MKLN1: variants seen among roughly 807,000 people sequenced by gnomAD.
MKLN1 encodes muskelin.
In MKLN1, 18 loss-of-function variants were observed where a neutral mutation model predicts 99.0. The observed-to-expected ratio is 0.18, with a 90% confidence interval of 0.13 to 0.27. The LOEUF (loss-of-function observed/expected upper bound fraction) is 0.27. Ranked by LOEUF, MKLN1 falls within the 10% of genes least tolerant of loss-of-function variation. The pLI, the probability that MKLN1 is intolerant of heterozygous loss-of-function variation, is 1.00. For missense variants in MKLN1, 621 were observed against 875.9 expected, an observed-to-expected ratio of 0.71 and a Z score of 3.67; for synonymous variants, 288 against 293.2, an observed-to-expected ratio of 0.98 and a Z score of 0.18.
chr7:131,125,696 C>G (rs908185087), intron 1 of MKLN1, among the ~76,000 whole-genome samples: 3 of 152,122 alleles, frequency 2.0e-5, no homozygotes, highest in African/African-American at 7.2e-5. Flanking sequence ...CAAAGTGAGA[C>G]TTCTGTCTCT....
At chr7:131,361,492 A>T (rs549487673) in intron 1 of MKLN1, among the ~76,000 whole-genome samples, 1 of 151,804 alleles carries the variant, frequency 6.6e-6, no homozygotes, top group African/African-American at 2.4e-5. Context: ...CTCGTATCAA[A>T]ATCTAGATCA....
At chr7:131,382,269 G>A (rs1385351994) in intron 2 of MKLN1, among the ~76,000 whole-genome samples, 1 of 151,956 alleles carries the variant, frequency 6.6e-6, no homozygotes, top group African/African-American at 2.4e-5. Context: ...GGAGGCTGAG[G>A]CACAAGAATC....
intron 1 of MKLN1, among the ~76,000 whole-genome samples, chr7:131,346,444 C>G (rs368739475): frequency 6.6e-6 from 1 of 151,780 alleles, no homozygotes; most frequent in East Asian, 1.9e-4. Context: ...ATTCCTTGAA[C>G]CCGGGAGGCG....
chr7:131,429,665 G>A (rs1305263003), intron 9 of MKLN1, among the ~76,000 whole-genome samples: 3 of 152,012 alleles, frequency 2.0e-5, no homozygotes, highest in Non-Finnish European at 2.9e-5. Context: ...TGCAAGCTCC[G>A]CCTCCCAGGT....
chr7:131,190,923 C>T (rs892889721), intron 2 of MKLN1, among the ~76,000 whole-genome samples: 1 of 152,152 alleles, frequency 6.6e-6, no homozygotes, highest in African/African-American at 2.4e-5. Flanking sequence ...CTATTTAATC[C>T]TAAAACTGCA....
In MKLN1 at chr7:131,138,285, T is replaced by C. The variant is rs187706797; in HGVS notation, c.-418-4535T>C. Among the ~76,000 whole-genome samples the C allele has an allele frequency of 1.2e-3, 177 of 152,338 alleles. 1 individual carries two copies. The highest frequency in any genetic ancestry group is 3.8e-3 in the African/African-American group (156 of 41,570). ...TTTCTTTTAAGCAAAATATTTTTTC[T>C]TTTAAAATTGGAGCACAAGGTACAC... On this transcript the variant is annotated intron_variant, in intron 1 of 7. Coordinates refer to the MKLN1 transcript ENST00000416992.
chr7:131,191,626 G>A (rs1175191166), intron 2 of MKLN1, among the ~76,000 whole-genome samples: 3 of 152,060 alleles, frequency 2.0e-5, no homozygotes, highest in Non-Finnish European at 4.4e-5. Context: ...TACAAGGAGA[G>A]AGAAAGATAA....
intron 3 of MKLN1, among the ~76,000 whole-genome samples, chr7:131,318,588 A>C (rs1409792904): frequency 6.6e-6 from 1 of 152,224 alleles, no homozygotes; most frequent in East Asian, 1.9e-4. Flanking sequence ...AGCAGAAGAC[A>C]AGAAATAACT....
chr7:131,161,792 G>A (rs979076708), intron 2 of MKLN1, among the ~76,000 whole-genome samples: 4 of 151,888 alleles, frequency 2.6e-5, no homozygotes, highest in Admixed American at 6.6e-5. Context: ...GCCCGCCTCG[G>A]CCTCCCAAAG....
chr7:131,460,604 C>T (rs1796487034), intron 12 of MKLN1, among the ~76,000 whole-genome samples: 1 of 152,224 alleles, frequency 6.6e-6, no homozygotes. Flanking sequence ...AGAAGCCTTC[C>T]TCACAATCTA....
chr7:131,342,347 T>A (rs1268621836), intron 1 of MKLN1, among the ~76,000 whole-genome samples: 2 of 152,220 alleles, frequency 1.3e-5, no homozygotes, highest in Non-Finnish European at 1.5e-5. Context: ...AATACATGAA[T>A]TAGCTCCCTG....
At chr7:131,473,465 C>T (rs1584779152) in intron 16 of MKLN1, among the ~76,000 whole-genome samples, 1 of 151,964 alleles carries the variant, frequency 6.6e-6, no homozygotes, top group Admixed American at 6.6e-5. Flanking sequence ...TTATTGGCTT[C>T]CTCCAGTCTT....
At chr7:131,336,137 A>T (rs1172665689) in intron 1 of MKLN1, among the ~76,000 whole-genome samples, 1 of 152,082 alleles carries the variant, frequency 6.6e-6, no homozygotes, top group Non-Finnish European at 1.5e-5. Context: ...TTTTGAAGTC[A>T]TATTACTAGG....
At chr7:131,132,799 G>A (rs1014124036) in intron 1 of MKLN1, among the ~76,000 whole-genome samples, 7 of 151,606 alleles carry the variant, frequency 4.6e-5, no homozygotes, top group African/African-American at 7.3e-5. Flanking sequence ...TGGTGGCAGC[G>A]CCTGTAATCC....
intron 2 of MKLN1, among the ~76,000 whole-genome samples, chr7:131,198,178 C>A (rs958511857): frequency 2.0e-5 from 3 of 152,200 alleles, no homozygotes; most frequent in African/African-American, 7.2e-5. Context: ...AGCCTCAACA[C>A]CACAGTGTTG....
intron 6 of MKLN1, among the ~76,000 whole-genome samples, chr7:131,402,304 G>A (rs998911396): frequency 2.4e-4 from 36 of 152,172 alleles, no homozygotes; most frequent in Admixed American, 6.6e-5. Context: ...TATCATGAGA[G>A]TGTAGCAGTT....
At chr7:131,283,348 CCTT>C (rs747289293) in intron 3 of MKLN1, among the ~76,000 whole-genome samples, 4,553 of 20,778 alleles carry the variant, frequency 0.22, 291 homozygotes, top group Middle Eastern at 0.33. Flanking sequence ...CCCTTCCCCT[CCTT>C]CCTTCCTTCC....
intron 8 of MKLN1, among the ~76,000 whole-genome samples, chr7:131,418,369 CA>C (rs943898750): frequency 0.057 from 3,129 of 54,876 alleles, 40 homozygotes; most frequent in African/African-American, 0.17. Flanking sequence ...GACTTCGTCT[CA>C]AAAAAAAAAA....
chr7:131,483,779 C>T (rs1369509612), intron 17 of MKLN1, among the ~76,000 whole-genome samples: 1 of 152,212 alleles, frequency 6.6e-6, no homozygotes, highest in Non-Finnish European at 1.5e-5. Flanking sequence ...GCAGAGATCA[C>T]AGAGTTCAGC....
Sources: allele counts gnomAD v4.1 joint callset (sites outside exome capture counted in the v4.1 genomes callset), GRCh38; gene constraint gnomAD v4.1.1; transcripts MANE v1.5; gene names NCBI Gene and HGNC (gene_info 2026-07-23, HGNC 2026-07-21).